Variants in NUP93 observed in about 807,000 individuals in gnomAD.
NUP93 encodes the protein nucleoporin 93.
Under a neutral mutation model 107.8 loss-of-function variants are expected in NUP93, and 55 were observed. The observed-to-expected ratio is 0.51, with a 90% CI of 0.41 to 0.64. The LOEUF (loss-of-function observed/expected upper bound fraction) is 0.64. Ranked by LOEUF, NUP93 falls within the 30% of genes least tolerant of loss-of-function variation. NUP93 has a pLI of 0.00. For missense variants in NUP93, 937 were observed against 1,044.7 expected (o/e 0.90, Z 1.42); for synonymous variants, 390 against 397.5 (o/e 0.98, Z 0.22).
chr16:56,746,603 T>C (rs1185096427), intron 1 of NUP93, among the ~76,000 whole-genome samples: 2 of 152,278 alleles, frequency 1.3e-5, no homozygotes, highest in African/African-American at 4.8e-5. Flanking sequence ...TTAAAGTTAA[T>C]GTCCTTTAAT....
At chr16:56,758,717 C>T in intron 3 of NUP93, 62 bp downstream of exon 3, 1 of 1,072,534 alleles carries the variant, frequency 9.3e-7, no homozygotes, top group East Asian at 2.4e-5. Context: ...GACCCTGGCC[C>T]TTTATTAACT....
chr16:56,730,992 C>T (rs1381239607), intron 1 of NUP93, among the ~76,000 whole-genome samples: 3 of 152,082 alleles, frequency 2.0e-5, no homozygotes, highest in Admixed American at 2.0e-4. Flanking sequence ...TTTTTGTATT[C>T]TTTCCAGGGT....
At chr16:56,838,883 C>T in intron 18 of NUP93, 69 bp from the exon 19 acceptor site, 1 of 1,052,076 alleles carries the variant, frequency 9.5e-7, no homozygotes, top group South Asian at 1.4e-5. Context: ...AAATGCTATT[C>T]CACTGTTACG....
intron 3 of NUP93, among the ~76,000 whole-genome samples, chr16:56,798,016 G>A (rs1343912393): frequency 1.3e-5 from 2 of 152,206 alleles, no homozygotes; most frequent in African/African-American, 4.8e-5. Context: ...GAATTTCCCA[G>A]ATATTGGCCA....
At chr16:56,764,588 C>T (rs1438445617) in intron 3 of NUP93, among the ~76,000 whole-genome samples, 1 of 152,172 alleles carries the variant, frequency 6.6e-6, no homozygotes, top group Non-Finnish European at 1.5e-5. Flanking sequence ...ATCTTCTGCT[C>T]CTTAAATGCA....
At chr16:56,818,174 A>G (rs1394820427) in intron 5 of NUP93, among the ~76,000 whole-genome samples, 1 of 152,230 alleles carries the variant, frequency 6.6e-6, no homozygotes, top group Admixed American at 6.5e-5. Flanking sequence ...ACAGAAAAGT[A>G]ATCAGCAGCT....
At chr16:56,812,293 C>T (rs1469688071) in intron 5 of NUP93, among the ~76,000 whole-genome samples, 1 of 152,084 alleles carries the variant, frequency 6.6e-6, no homozygotes, top group Non-Finnish European at 1.5e-5. Flanking sequence ...ACAGGAGTTT[C>T]CCCCAGTTCC....
At chr16:56,792,804 C>T (rs1567390667) in intron 3 of NUP93, among the ~76,000 whole-genome samples, 1 of 152,148 alleles carries the variant, frequency 6.6e-6, no homozygotes, top group South Asian at 2.1e-4. Context: ...TTACTCTCCT[C>T]CTGGGTTCCA....
chr16:56,790,096 T>TCAAAACAAAA (rs57242557), intron 3 of NUP93, among the ~76,000 whole-genome samples: 18,831 of 149,216 alleles, frequency 0.13, 1,233 homozygotes, highest in East Asian at 0.18. Flanking sequence ...AAACTCCATC[T>TCAAAACAAAA]CAAAACAAAA....
rs560788753 is a variant in NUP93, at chr16:56,779,618, T to C, written c.298-18858T>C. Among the ~76,000 whole-genome samples the C allele has an allele frequency of 3.3e-5, 5 of 152,324 alleles. No individual in the cohort carries two copies. In the South Asian group the frequency reaches 1.0e-3, roughly 32 times the overall value. ...CTGAAGGCAGGATAGTTAACACTTC[T>C]GCTCAGAGGTCCTTTCCAGCCAGCA... On this transcript the variant is annotated intron_variant, in intron 3 of 21. Coordinates refer to ENST00000308159, the MANE Select transcript of NUP93 (RefSeq NM_014669.5).
At chr16:56,787,674 C>T (rs1428360964) in intron 3 of NUP93, among the ~76,000 whole-genome samples, 2 of 152,012 alleles carry the variant, frequency 1.3e-5, no homozygotes, top group South Asian at 2.1e-4. Flanking sequence ...GGGTGGGTTT[C>T]GGGAGCTGTG....
chr16:56,836,601 C>T lies in NUP93; in HGVS notation c.1783C>T (p.Pro595Ser). The change falls in exon 17 of 22, where the codon CCT (proline) becomes TCT (serine). Residue 595 changes from proline to serine, a missense_variant and splice_region_variant. Transcript: ENST00000308159. The stretch of plus-strand genomic sequence containing the variant: ...CCCCCTCCATAATTTGTCTTGTCAG[C>T]CTGGAGTCATAGATAAGTTTACTAG... ...GKLENDGSRK[P>S]GVIDKFTSDT... 6.3e-7 allele frequency: 1 copy of T among 1,595,020 alleles called. No individual in the cohort carries two copies.
At chr16:56,808,861 G>A (rs1462806561) in intron 5 of NUP93, among the ~76,000 whole-genome samples, 1 of 147,986 alleles carries the variant, frequency 6.8e-6, no homozygotes, top group African/African-American at 2.5e-5. Context: ...TATATATGCA[G>A]TGTGGTTGTA....
chr16:56,811,486 C>A (rs1963314593), intron 5 of NUP93, among the ~76,000 whole-genome samples: 1 of 151,816 alleles, frequency 6.6e-6, no homozygotes, highest in Non-Finnish European at 1.5e-5. Context: ...CAAGCCTGGG[C>A]TTCCTCATTA....
chr16:56,755,811 G>T (rs1432984173), intron 2 of NUP93, among the ~76,000 whole-genome samples: 4 of 152,194 alleles, frequency 2.6e-5, no homozygotes, highest in Admixed American at 6.5e-5. Context: ...GGAGCTGGAG[G>T]TTGCAGAGAG....
At chr16:56,757,687 C>T (rs1962051293) in intron 2 of NUP93, among the ~76,000 whole-genome samples, 2 of 152,246 alleles carry the variant, frequency 1.3e-5, no homozygotes, top group African/African-American at 4.8e-5. Flanking sequence ...AGATAACAGC[C>T]TCCTATATTA....
At chr16:56,830,457 C>T (rs376364400) in intron 9 of NUP93, 71 bp from the exon 10 acceptor site, 14 of 1,411,436 alleles carry the variant, frequency 9.9e-6, no homozygotes, top group East Asian at 2.4e-5. Context: ...GGGCTTAGCT[C>T]GGTTTTAGCA....
intron 3 of NUP93, among the ~76,000 whole-genome samples, chr16:56,777,583 G>C (rs1596791364): frequency 6.6e-6 from 1 of 152,156 alleles, no homozygotes; most frequent in African/African-American, 2.4e-5. Context: ...CAATAAATTA[G>C]CAGAATTGCT....
At chr16:56,833,101 T>G (rs1963829118) in intron 12 of NUP93, 114 bp from the exon 13 acceptor site, 3 of 855,270 alleles carry the variant, frequency 3.5e-6, no homozygotes, top group Non-Finnish European at 5.5e-6. Flanking sequence ...TCTGGTGCTT[T>G]CTTCCTGTCC....
Sources: gnomAD v4.1 joint callset for allele counts (sites outside exome capture counted in the v4.1 genomes callset) on GRCh38, gnomAD v4.1.1 for gene constraint, MANE v1.5 for transcripts, NCBI Gene and HGNC (gene_info 2026-07-23, HGNC 2026-07-21) for gene names.